Variants in CCBE1 observed in about 807,000 individuals in gnomAD.
CCBE1 encodes collagen and calcium-binding EGF domain-containing protein 1.
A neutral mutation model predicts 50.0 loss-of-function variants in CCBE1; 37 were observed. That is an observed-to-expected ratio of 0.74 (90% CI 0.57 to 0.97). CCBE1 has a LOEUF of 0.97. CCBE1 is among the 50% of genes least tolerant of loss of function. The pLI is 0.00. For missense variants in CCBE1, 538 were observed against 523.8 expected, an observed-to-expected ratio of 1.03 and a Z score of -0.26; for synonymous variants, 234 against 203.7, an observed-to-expected ratio of 1.15 and a Z score of -1.27.
intron 2 of CCBE1, among the ~76,000 whole-genome samples, chr18:59,672,259 G>A (rs112085858): frequency 0.018 from 2,697 of 152,290 alleles, 58 homozygotes; most frequent in African/African-American, 0.061. Context: ...GCAGATGACA[G>A]TGGTAGATGG....
intron 5 of CCBE1, among the ~76,000 whole-genome samples, chr18:59,457,287 G>A (rs1911240809): frequency 6.6e-6 from 1 of 152,208 alleles, no homozygotes; most frequent in Admixed American, 6.5e-5. Flanking sequence ...GAGCTGAGCA[G>A]TAAGGGGGAA....
At chr18:59,679,934 G>T (rs1164250576) in intron 2 of CCBE1, among the ~76,000 whole-genome samples, 1 of 152,106 alleles carries the variant, frequency 6.6e-6, no homozygotes, top group Non-Finnish European at 1.5e-5. Context: ...TCCAAAGGAG[G>T]CAATCAAGGC....
At chr18:59,526,670 A>G (rs1276395253) in intron 2 of CCBE1, among the ~76,000 whole-genome samples, 3 of 152,086 alleles carry the variant, frequency 2.0e-5, no homozygotes, top group African/African-American at 4.8e-5. Flanking sequence ...TCCTCTTAAC[A>G]TTACTTTAGC....
At chr18:59,446,667 G>T (rs938260113) in intron 7 of CCBE1, among the ~76,000 whole-genome samples, 3 of 152,192 alleles carry the variant, frequency 2.0e-5, no homozygotes, top group Non-Finnish European at 4.4e-5. Flanking sequence ...ACCCACCTGT[G>T]TCCTTCCTCC....
chr18:59,451,275 G>A (rs1012955331), intron 6 of CCBE1, among the ~76,000 whole-genome samples: 3 of 151,840 alleles, frequency 2.0e-5, no homozygotes, highest in African/African-American at 7.3e-5. Flanking sequence ...TCCCCAGGCA[G>A]CCACCGAGGG....
chr18:59,580,684 G>A (rs989895264), intron 2 of CCBE1, among the ~76,000 whole-genome samples: 2 of 152,208 alleles, frequency 1.3e-5, no homozygotes, highest in East Asian at 3.8e-4. Flanking sequence ...CTGGACGAGG[G>A]TGGGGGATCC....
chr18:59,543,653 G>A (rs905219685), intron 2 of CCBE1, among the ~76,000 whole-genome samples: 1 of 152,116 alleles, frequency 6.6e-6, no homozygotes, highest in Admixed American at 6.5e-5. Flanking sequence ...GGCTAACAGG[G>A]TGAAACCCCG....
intron 1 of CCBE1, 59 bp downstream of exon 1, chr18:59,697,153 C>A: frequency 6.5e-7 from 1 of 1,545,300 alleles, no homozygotes; most frequent in Non-Finnish European, 8.7e-7. Context: ...GCCCGCACCC[C>A]GCGAGCCGGG....
chr18:59,635,030 T>G (rs1028455832), intron 2 of CCBE1, among the ~76,000 whole-genome samples: 8 of 152,204 alleles, frequency 5.3e-5, no homozygotes, highest in African/African-American at 1.7e-4. Flanking sequence ...ATCTTCAGAT[T>G]CTGAGAGCAC....
chr18:59,518,331 T>A (rs1003728025), intron 2 of CCBE1, among the ~76,000 whole-genome samples: 1 of 152,070 alleles, frequency 6.6e-6, no homozygotes, highest in African/African-American at 2.4e-5. Context: ...TCTACTAAAA[T>A]TACAAAAATT....
intron 2 of CCBE1, among the ~76,000 whole-genome samples, chr18:59,693,077 A>T (rs2054757453): frequency 6.6e-6 from 1 of 151,992 alleles, no homozygotes; most frequent in Admixed American, 6.6e-5. Context: ...AGTTGGAGCG[A>T]GCATACCCTA....
chr18:59,578,135 G>C (rs1288734948), intron 2 of CCBE1, among the ~76,000 whole-genome samples: 1 of 152,120 alleles, frequency 6.6e-6, no homozygotes, highest in Non-Finnish European at 1.5e-5. Flanking sequence ...TCAAAAAGTG[G>C]GTGAAGGATA....
chr18:59,520,851 G>C (rs564613173), intron 2 of CCBE1, among the ~76,000 whole-genome samples: 1 of 152,322 alleles, frequency 6.6e-6, no homozygotes, highest in Admixed American at 6.5e-5. Context: ...ACTAAAGACA[G>C]ACACAAATTA....
At chr18:59,628,685 GCTT>G (rs2053816959) in intron 2 of CCBE1, among the ~76,000 whole-genome samples, 1 of 152,138 alleles carries the variant, frequency 6.6e-6, no homozygotes, top group African/African-American at 2.4e-5. Context: ...TTGGGAAAGG[GCTT>G]CTTCATTCAA....
At chr18:59,468,730 T>C (rs1267092027) in intron 4 of CCBE1, among the ~76,000 whole-genome samples, 1 of 152,180 alleles carries the variant, frequency 6.6e-6, no homozygotes, top group Non-Finnish European at 1.5e-5. Context: ...CTCCAGTTGA[T>C]TCTTAAATCT....
rs762427290 is a variant in CCBE1 at position 59,696,703 on chromosome 18, G to A, written c.138C>T (p.Ile46=). The change falls in exon 2 of 11, where the codon ATC becomes ATT. Residue 46 remains isoleucine, a synonymous_variant. Coordinates refer to ENST00000439986, the MANE Select transcript of CCBE1 (RefSeq NM_133459.4). ...TCGTCGCGATTTTGCTCTCTGAGCA[G>A]ATTTCTCTATGAAAAAGTGCAGAGG... is the stretch of plus-strand genomic sequence containing the variant. ...REEPEDGDRE[I]CSESKIATTK... is the part of the protein sequence containing the mutation. 76 of 1,613,720 alleles carry A rather than the reference G, an allele frequency of 4.7e-5. No individual in the cohort carries two copies. Among genetic ancestry groups the A allele is most frequent in the Non-Finnish European group, 1.7e-6 (2 of 1,179,824 alleles).
At chr18:59,462,126 A>G (rs1423930888) in intron 5 of CCBE1, among the ~76,000 whole-genome samples, 2 of 152,176 alleles carry the variant, frequency 1.3e-5, no homozygotes, top group Non-Finnish European at 2.9e-5. Context: ...GACATCCCTC[A>G]TTATAGTCAC....
intron 2 of CCBE1, among the ~76,000 whole-genome samples, chr18:59,558,640 G>A (rs1281686356): frequency 6.6e-6 from 1 of 152,186 alleles, no homozygotes; most frequent in Non-Finnish European, 1.5e-5. Context: ...GGCTCAATAT[G>A]GTTTGACATG....
chr18:59,444,399 A>G (rs949149096), intron 7 of CCBE1, among the ~76,000 whole-genome samples: 1 of 151,808 alleles, frequency 6.6e-6, no homozygotes, highest in Non-Finnish European at 1.5e-5. Context: ...AAGCCTCCTG[A>G]TATGTTTAAT....
Sources: gnomAD v4.1 joint callset for allele counts (sites outside exome capture counted in the v4.1 genomes callset) on GRCh38, gnomAD v4.1.1 for gene constraint, MANE v1.5 for transcripts, NCBI Gene and HGNC (gene_info 2026-07-23, HGNC 2026-07-21) for gene names.